The following EIF3D variants were observed in gnomAD, a reference collection of about 807,000 sequenced individuals.
EIF3D encodes the protein eukaryotic translation initiation factor 3 subunit D, also known as eIF3 p66.
A neutral mutation model predicts 75.4 loss-of-function variants in EIF3D; 10 were observed. The ratio of observed to expected loss-of-function variants is 0.13; its 90% CI spans 0.08 to 0.22. The LOEUF (loss-of-function observed/expected upper bound fraction) is 0.22. EIF3D is among the 10% of genes least tolerant of loss of function. The pLI is 1.00. For synonymous variants in EIF3D, 246 were observed against 248.3 expected (o/e 0.99, Z 0.09); for missense variants, 394 against 708.0 (o/e 0.56, Z 5.03).
At chr22:36,520,495 C>T in intron 7 of EIF3D, 81 bp downstream of exon 7, 1 of 975,682 alleles carries the variant, frequency 1.0e-6, no homozygotes, top group South Asian at 1.5e-5. Flanking sequence ...TTTGGAAATA[C>T]TAGGGCTTAA....
Position 36,518,918 on chromosome 22 carries a change from G to A in EIF3D, c.712-8C>T, listed in dbSNP as rs1239123009. 1.6e-5 allele frequency: 26 copies of A among 1,613,374 alleles called. No homozygotes were observed. Among genetic ancestry groups the A allele is most frequent in the Non-Finnish European group, 1.9e-5 (22 of 1,179,522 alleles). Reference sequence around the variant, plus strand: ...CCCCTGAGTTTTTGCCAGCTGCAAAGAGGATCAAAGAGAGAAGATGGAAAG... The same window carrying A: ...CCCCTGAGTTTTTGCCAGCTGCAAAAAGGATCAAAGAGAGAAGATGGAAAG... On this transcript the variant is annotated splice_polypyrimidine_tract_variant and splice_region_variant and intron_variant, in intron 8 of 14. Transcript: ENST00000216190.
Position 36,527,098 on chromosome 22 carries a change from G to A in EIF3D, c.-10-967C>T, listed in dbSNP as rs1045529500. ...CGCAAATCCTGTGTGCAGTGCAAGC[G>A]GACATAAAGCCAGGCAGAAGAACTG... is the stretch of plus-strand genomic sequence containing the variant. On this transcript the variant is annotated intron_variant, in intron 1 of 14. Coordinates refer to ENST00000216190, the MANE Select transcript of EIF3D (RefSeq NM_003753.4). Among the ~76,000 whole-genome samples the A allele has an allele frequency of 4.6e-5, 7 of 152,308 alleles. No homozygotes were observed. In the East Asian group the frequency reaches 9.6e-4, roughly 21 times the overall value.
In EIF3D at chr22:36,519,046, C is replaced by T. The variant is rs563128681; in HGVS notation, c.712-136G>A. 4.1e-6 allele frequency: 5 copies of T among 1,225,940 alleles called. No individual in the cohort carries two copies. The South Asian group carries it at 4.7e-5, about 12-fold the overall frequency. The allele number at this position is 1,225,940 out of a possible 1,614,324, so 75.9% of individuals were successfully genotyped here. A position where few individuals can be genotyped will look rare whatever the true frequency, so the allele number is the denominator to read the frequency against. On this transcript the variant is annotated intron_variant, in intron 8 of 14. Transcript: ENST00000216190. ...GGCCCCACCTCATTGACCAAAAACA[C>T]TGCAGCCAGTGAGCCAGCAAGTTTC... is the stretch of plus-strand genomic sequence containing the variant.
intron 12 of EIF3D, among the ~76,000 whole-genome samples, chr22:36,515,899 G>A (rs532836358): frequency 9.2e-5 from 14 of 151,360 alleles, no homozygotes; most frequent in African/African-American, 3.1e-4. Context: ...GTGGGCGGGG[G>A]GGCGGATTGG....
At chr22:36,515,788 G>A (rs915846369) in intron 12 of EIF3D, among the ~76,000 whole-genome samples, 3 of 151,658 alleles carry the variant, frequency 2.0e-5, no homozygotes, top group African/African-American at 7.3e-5. Context: ...ACACAGGCAC[G>A]ACGGCCCTGA....
chr22:36,515,546 A>G (rs1490905864), intron 12 of EIF3D, among the ~76,000 whole-genome samples: 2 of 152,178 alleles, frequency 1.3e-5, no homozygotes, highest in Non-Finnish European at 2.9e-5. Context: ...TAAAATAAAA[A>G]ATAAAAGTAA....
chr22:36,513,406 G>A (rs2145869050), intron 12 of EIF3D, among the ~76,000 whole-genome samples: 1 of 152,056 alleles, frequency 6.6e-6, no homozygotes, highest in South Asian at 2.1e-4. Context: ...GGGTTCAAGT[G>A]ATTCTCCTAC....
chr22:36,522,080 GCAGTGGCTCATGGCTGTAACCC>G (rs1934522807), intron 6 of EIF3D, among the ~76,000 whole-genome samples: 1 of 152,072 alleles, frequency 6.6e-6, no homozygotes. Context: ...CAAGCCAGGC[GCAGTGGCTCATGGCTGTAACCC>G]CAGCACTTTG....
At chr22:36,519,748 C>A (rs879430051) in intron 7 of EIF3D, among the ~76,000 whole-genome samples, 2 of 152,136 alleles carry the variant, frequency 1.3e-5, no homozygotes, top group African/African-American at 4.8e-5. Context: ...CTCATCTAGC[C>A]CAACGCCCCC....
At chr22:36,516,960 G>C in intron 10 of EIF3D, 170 bp from the exon 11 acceptor site, 1 of 646,834 alleles carries the variant, frequency 1.5e-6, no homozygotes. Flanking sequence ...CCTCCCAACT[G>C]TTAGCACCTG....
At chr22:36,515,144 G>C (rs1396119100) in intron 12 of EIF3D, among the ~76,000 whole-genome samples, 1 of 152,138 alleles carries the variant, frequency 6.6e-6, no homozygotes, top group Non-Finnish European at 1.5e-5. Context: ...CCACTCTCAG[G>C]CATTTCTTTA....
At chr22:36,522,799 G>A (rs1934534654) in intron 6 of EIF3D, among the ~76,000 whole-genome samples, 1 of 152,126 alleles carries the variant, frequency 6.6e-6, no homozygotes, top group Admixed American at 6.5e-5. Flanking sequence ...TCAGGAATGG[G>A]CTAACTACCC....
intron 3 of EIF3D, among the ~76,000 whole-genome samples, chr22:36,524,979 G>A (rs988297094): frequency 6.6e-6 from 1 of 152,144 alleles, no homozygotes; most frequent in Non-Finnish European, 1.5e-5. Flanking sequence ...AACTTTCTAA[G>A]CCAAGAATCT....
intron 5 of EIF3D, among the ~76,000 whole-genome samples, chr22:36,523,643 G>C (rs1934550598): frequency 6.6e-6 from 1 of 152,224 alleles, no homozygotes; most frequent in African/African-American, 2.4e-5. Context: ...GTAAGCTCCA[G>C]AGCCTCTTCT....
In EIF3D at chr22:36,512,451, G is replaced by A. The variant is rs765472073; in HGVS notation, c.1349+9C>T. 8 of 1,613,942 alleles carry A rather than the reference G, an allele frequency of 5.0e-6. No individual in the cohort carries two copies. The African/African-American group carries it at 1.1e-4, about 22-fold the overall frequency. ...AGATCAGCTGCCAGCTCCTGCACAG[G>A]AATCTCACCCAAGCTTGAGGTACTC... On this transcript the variant is annotated intron_variant, in intron 13 of 14. Transcript: ENST00000216190.
At chr22:36,526,385 A>G (rs999222021) in intron 1 of EIF3D, among the ~76,000 whole-genome samples, 15 of 152,182 alleles carry the variant, frequency 9.9e-5, no homozygotes, top group African/African-American at 3.6e-4. Flanking sequence ...TTTTACTGTA[A>G]CATCTTTAAA....
intron 12 of EIF3D, among the ~76,000 whole-genome samples, chr22:36,514,510 T>G (rs955404643): frequency 2.6e-5 from 4 of 152,200 alleles, no homozygotes; most frequent in African/African-American, 9.6e-5. Context: ...CGTATGAGTC[T>G]CTTAAATCTA....
chr22:36,514,056 G>A (rs1254390820), intron 12 of EIF3D, among the ~76,000 whole-genome samples: 2 of 152,142 alleles, frequency 1.3e-5, no homozygotes, highest in Non-Finnish European at 2.9e-5. Flanking sequence ...AGATTCAGAA[G>A]ACAGCAAAGC....
At chr22:36,516,377 A>T in intron 12 of EIF3D, 101 bp downstream of exon 12, 1 of 1,431,874 alleles carries the variant, frequency 7.0e-7, no homozygotes, top group Non-Finnish European at 9.5e-7. Flanking sequence ...AAGTAACGAA[A>T]GGGGATAAGA....
Sources: gnomAD v4.1 joint callset for allele counts (sites outside exome capture counted in the v4.1 genomes callset) on GRCh38, gnomAD v4.1.1 for gene constraint, MANE v1.5 for transcripts, NCBI Gene and HGNC (gene_info 2026-07-23, HGNC 2026-07-21) for gene names.